Variants in SLCO1A2 observed in about 807,000 individuals in gnomAD.
SLCO1A2 encodes OATP-1.
Under a neutral mutation model 69.0 loss-of-function variants are expected in SLCO1A2, and 67 were observed. The ratio of observed to expected loss-of-function variants is 0.97; its 90% CI spans 0.80 to 1.19. The LOEUF (loss-of-function observed/expected upper bound fraction) is 1.19. SLCO1A2 is among the 50% of genes most tolerant of loss of function. The pLI is 0.00. For synonymous variants in SLCO1A2, 260 were observed against 265.9 expected, an observed-to-expected ratio of 0.98 and a Z score of 0.22; for missense variants, 787 against 793.7, an observed-to-expected ratio of 0.99 and a Z score of 0.10.
intron 1 of SLCO1A2, among the ~76,000 whole-genome samples, chr12:21,393,408 T>A (rs1404270545): frequency 6.6e-6 from 1 of 152,184 alleles, no homozygotes; most frequent in African/African-American, 2.4e-5. Context: ...TTCTATTAGA[T>A]GCATAATAAG....
At position 21,413,237 on chromosome 12, in the gene SLCO1A2, C is replaced by CTTTTTTTTTTTTTTTTT. The variant is rs3983534; in HGVS notation, c.-312+4628_-312+4644dup. Among the ~76,000 whole-genome samples the CTTTTTTTTTTTTTTTTT allele has an allele frequency of 1.1e-3, 114 of 99,422 alleles. 2 individuals are homozygous for CTTTTTTTTTTTTTTTTT. The highest frequency in any genetic ancestry group is 1.5e-3 in the Non-Finnish European group (78 of 52,544). 65.2% of individuals were successfully genotyped at this position (99,422 alleles called of 152,430 possible). ...ACTTTCTTCTTTTCTTTTTCTTTTTCTTTTTTTTTTTTTTTTTTTGAGAAG... is the reference window on the plus strand; with the variant it reads ...ACTTTCTTCTTTTCTTTTTCTTTTTCTTTTTTTTTTTTTTTTTTTTTTTTTTTTTTTTTTTTGAGAAG... On this transcript the variant is annotated intron_variant, in intron 1 of 4. Coordinates refer to the SLCO1A2 transcript ENST00000413682.
intron 1 of SLCO1A2, among the ~76,000 whole-genome samples, chr12:21,406,030 A>G (rs149380000): frequency 3.9e-5 from 6 of 152,362 alleles, no homozygotes; most frequent in East Asian, 3.9e-4. Flanking sequence ...ATATTGTTAT[A>G]AGCAAAAGAG....
At chr12:21,332,634 G>C (rs568716145) in intron 2 of SLCO1A2, among the ~76,000 whole-genome samples, 20 of 151,994 alleles carry the variant, frequency 1.3e-4, no homozygotes, top group Non-Finnish European at 2.1e-4. Context: ...GGGTGGGAGG[G>C]TTGAATTTTA....
intron 13 of SLCO1A2, 152 bp from the exon 14 acceptor site, chr12:21,274,738 T>G (rs1565462021): frequency 1.4e-6 from 1 of 739,606 alleles, no homozygotes; most frequent in Non-Finnish European, 2.1e-6. Context: ...ATGAGTTACT[T>G]TTACTGTAAA....
chr12:21,314,662 T>A lies in SLCO1A2; in HGVS notation c.222A>T (p.Ile74=), dbSNP rs771363101. Residue 74 remains isoleucine (I), a synonymous_variant, in exon 4 of 15, where the codon ATA becomes ATT. Coordinates refer to ENST00000683939, the MANE Select transcript of SLCO1A2 (RefSeq NM_001386879.1). ...GTTTGGTTCCAAAATAACTCACAAA[T>A]ATAATCAACAAAAGATTTCCTAGGA... The part of the protein sequence containing the change: ...SFEIGNLLLI[I]FVSYFGTKLH... The A allele has an allele frequency of 1.2e-6, 2 of 1,604,628 alleles. No individual in the cohort carries two copies. Among genetic ancestry groups the A allele is most frequent in the Admixed American group, 3.3e-5 (2 of 59,910 alleles).
At chr12:21,375,917 C>T (rs995539904) in intron 1 of SLCO1A2, among the ~76,000 whole-genome samples, 1 of 151,576 alleles carries the variant, frequency 6.6e-6, no homozygotes, top group African/African-American at 2.4e-5. Context: ...AAAAAAATGC[C>T]TGAAACCAGG....
chr12:21,354,213 C>T (rs137935300), intron 2 of SLCO1A2, among the ~76,000 whole-genome samples: 55 of 152,314 alleles, frequency 3.6e-4, no homozygotes, highest in African/African-American at 1.3e-3. Context: ...CCTCTCAGTC[C>T]TCTGCGGACA....
At chr12:21,283,448 C>A (rs1466815096) in intron 12 of SLCO1A2, among the ~76,000 whole-genome samples, 1 of 152,026 alleles carries the variant, frequency 6.6e-6, no homozygotes, top group African/African-American at 2.4e-5. Flanking sequence ...AAATCTAAGA[C>A]CTCCAACTAA....
In SLCO1A2 at chr12:21,304,554, T is replaced by G. The variant is rs765463912; in HGVS notation, c.462A>C (p.Lys154Asn). Reference sequence around the variant, plus strand: ...CTAGGACGTACACCCACATTAATGATTTAACTTCCTTTGTACACTCTGCAT... The same window carrying G: ...CTAGGACGTACACCCACATTAATGAGTTAACTTCCTTTGTACACTCTGCAT... ...QDPSECTKEV[K>N]SLMWVYVLVG... Residue 154 changes from lysine to asparagine, a missense_variant, in exon 6 of 15, where the codon AAA becomes AAC. Coordinates refer to ENST00000683939, the MANE Select transcript of SLCO1A2 (RefSeq NM_001386879.1). The G allele has an allele frequency of 6.2e-7, 1 of 1,610,046 alleles. No homozygotes were observed. The highest frequency in any genetic ancestry group is 2.2e-5 in the East Asian group (1 of 44,760).
chr12:21,377,872 T>C (rs948873531), intron 1 of SLCO1A2, among the ~76,000 whole-genome samples: 3 of 152,164 alleles, frequency 2.0e-5, no homozygotes, highest in Non-Finnish European at 4.4e-5. Context: ...TCAGATTACA[T>C]ATAAATTTTA....
chr12:21,308,525 G>C (rs1949713986), intron 4 of SLCO1A2, among the ~76,000 whole-genome samples: 1 of 152,142 alleles, frequency 6.6e-6, no homozygotes, highest in African/African-American at 2.4e-5. Flanking sequence ...GACATCCCCT[G>C]CCACTCCAGC....
At chr12:21,375,429 T>C (rs1010839371) in intron 1 of SLCO1A2, among the ~76,000 whole-genome samples, 3 of 152,196 alleles carry the variant, frequency 2.0e-5, no homozygotes, top group Non-Finnish European at 2.9e-5. Flanking sequence ...TTTTAAACTC[T>C]TTTTAAAAAA....
At chr12:21,322,157 C>T (rs7312628) in intron 2 of SLCO1A2, among the ~76,000 whole-genome samples, 7,382 of 152,212 alleles carry the variant, frequency 0.048, 585 homozygotes, top group African/African-American at 0.16. Context: ...TACCCTAAGC[C>T]GAGTGGCTTA....
chr12:21,339,860 G>A (rs921715624), upstream of SLCO1A2, among the ~76,000 whole-genome samples: 1 of 151,908 alleles, frequency 6.6e-6, no homozygotes, highest in Non-Finnish European at 1.5e-5. Context: ...TATTCTCTTG[G>A]GATACAGAGA....
At chr12:21,271,883 T>G (rs1009876110) in intron 14 of SLCO1A2, among the ~76,000 whole-genome samples, 2 of 149,562 alleles carry the variant, frequency 1.3e-5, no homozygotes, top group African/African-American at 4.9e-5. Flanking sequence ...TATACATATG[T>G]GTATATATAT....
At chr12:21,388,664 C>A (rs1031051035) in intron 1 of SLCO1A2, among the ~76,000 whole-genome samples, 1 of 151,996 alleles carries the variant, frequency 6.6e-6, no homozygotes, top group Non-Finnish European at 1.5e-5. Flanking sequence ...TCTAGCAATA[C>A]AACACTAATT....
intron 2 of SLCO1A2, among the ~76,000 whole-genome samples, chr12:21,367,688 G>A (rs1939493536): frequency 6.6e-6 from 1 of 151,878 alleles, no homozygotes; most frequent in Non-Finnish European, 1.5e-5. Flanking sequence ...CAGCATTTAG[G>A]TTGTTATAAA....
At chr12:21,269,854 A>T (rs567053674) in intron 14 of SLCO1A2, 87 bp from the exon 15 acceptor site, 146 of 1,013,364 alleles carry the variant, frequency 1.4e-4, no homozygotes, top group Admixed American at 8.2e-4. Flanking sequence ...TTTTATTCTG[A>T]TAAAAACAGC....
At chr12:21,292,463 G>T in intron 11 of SLCO1A2, 127 bp from the exon 12 acceptor site, 1 of 617,722 alleles carries the variant, frequency 1.6e-6, no homozygotes, top group Non-Finnish European at 2.7e-6. Context: ...CCATTATGAT[G>T]TCTCTCAAGA....
Sources: allele counts gnomAD v4.1 joint callset (sites outside exome capture counted in the v4.1 genomes callset), GRCh38; gene constraint gnomAD v4.1.1; transcripts MANE v1.5; gene names NCBI Gene and HGNC (gene_info 2026-07-23, HGNC 2026-07-21).